SSBP2: variants seen among roughly 807,000 people sequenced by gnomAD.
The protein encoded by SSBP2 is single-stranded DNA-binding protein 2.
A neutral mutation model predicts 61.8 loss-of-function variants in SSBP2; 17 were observed. That is an observed-to-expected ratio of 0.28 (90% CI 0.19 to 0.41). The LOEUF (loss-of-function observed/expected upper bound fraction) is 0.41, where lower values mean the gene tolerates loss of function less well. Ranked by LOEUF, SSBP2 falls within the 10% of genes least tolerant of loss-of-function variation. The pLI, the probability that SSBP2 is intolerant of heterozygous loss-of-function variation, is 1.00. For synonymous variants in SSBP2, 139 were observed against 141.3 expected (o/e 0.98, Z 0.12); for missense variants, 310 against 458.7 (o/e 0.68, Z 2.96).
intron 3 of SSBP2, among the ~76,000 whole-genome samples, chr5:81,635,816 C>T (rs981442940): frequency 6.6e-6 from 1 of 152,076 alleles, no homozygotes; most frequent in African/African-American, 2.4e-5. Flanking sequence ...GATCTCCTGA[C>T]CTTGTGATCC....
At chr5:81,448,385 T>G (rs186319126) in intron 11 of SSBP2, among the ~76,000 whole-genome samples, 202 of 152,330 alleles carry the variant, frequency 1.3e-3, no homozygotes, top group Non-Finnish European at 2.6e-3. Context: ...TTCTGCCATC[T>G]AATTCATTTG....
At position 81,751,025 on chromosome 5, in the gene SSBP2, C is replaced by G; in HGVS notation, c.18G>C (p.Lys6Asn). The G allele has an allele frequency of 6.3e-7, 1 of 1,599,164 alleles. No individual in the cohort carries two copies. Among genetic ancestry groups the G allele is most frequent in the Non-Finnish European group, 8.5e-7 (1 of 1,173,024 alleles). ...CGGACGGGACGGCGCTGCTGTTACTCTTGCCTTTGCCGTACATGCTTGTGC... is the reference window on the plus strand; with the variant it reads ...CGGACGGGACGGCGCTGCTGTTACTGTTGCCTTTGCCGTACATGCTTGTGC... Residue 6 changes from lysine to asparagine, a missense_variant, in exon 1 of 17, where the codon AAG (lysine) becomes AAC (asparagine). This residue lies in a region of SSBP2 where 36 missense variants were observed against 27.0 expected (regional missense o/e 1.33). Transcript: ENST00000320672.
At chr5:81,482,005 A>C (rs1444047332) in intron 6 of SSBP2, among the ~76,000 whole-genome samples, 1 of 151,888 alleles carries the variant, frequency 6.6e-6, no homozygotes, top group African/African-American at 2.4e-5. Flanking sequence ...GCAGTGGTGC[A>C]ATCTTGGCTG....
intron 1 of SSBP2, among the ~76,000 whole-genome samples, chr5:81,658,018 T>C (rs1229593605): frequency 6.6e-6 from 1 of 152,152 alleles, no homozygotes; most frequent in Admixed American, 6.6e-5. Context: ...CTAATTAACA[T>C]ATCCATTGCC....
intron 1 of SSBP2, among the ~76,000 whole-genome samples, chr5:81,697,194 C>A (rs1268357322): frequency 2.0e-5 from 3 of 152,218 alleles, no homozygotes; most frequent in Non-Finnish European, 4.4e-5. Flanking sequence ...AATGTTACAT[C>A]ATCTTTCACT....
At chr5:81,435,953 C>T (rs567202758) in intron 15 of SSBP2, among the ~76,000 whole-genome samples, 12 of 151,906 alleles carry the variant, frequency 7.9e-5, no homozygotes, top group Non-Finnish European at 1.2e-4. Context: ...TCTGGGAGGC[C>T]GAGACGGGTA....
chr5:81,613,314 G>T (rs1745639866), intron 4 of SSBP2, among the ~76,000 whole-genome samples: 1 of 151,982 alleles, frequency 6.6e-6, no homozygotes, highest in Non-Finnish European at 1.5e-5. Flanking sequence ...CACAGTAAGG[G>T]GTTGTTCCTC....
At chr5:81,613,702 T>C (rs2153598445) in intron 4 of SSBP2, among the ~76,000 whole-genome samples, 1 of 152,308 alleles carries the variant, frequency 6.6e-6, no homozygotes, top group South Asian at 2.1e-4. Flanking sequence ...TTGTCAAAAT[T>C]AGTGGAGACA....
chr5:81,721,313 A>T (rs1755527947), intron 1 of SSBP2, among the ~76,000 whole-genome samples: 1 of 152,048 alleles, frequency 6.6e-6, no homozygotes, highest in African/African-American at 2.4e-5. Context: ...TATCTTTCCT[A>T]ACTTCTATAC....
chr5:81,614,234 C>A (rs1745764039), intron 4 of SSBP2, among the ~76,000 whole-genome samples: 1 of 152,048 alleles, frequency 6.6e-6, no homozygotes, highest in South Asian at 2.1e-4. Context: ...TTGGCGGGCG[C>A]CTGTAATCCC....
chr5:81,449,271 A>G lies in SSBP2; in HGVS notation c.688-446T>C, dbSNP rs191619796. Among the ~76,000 whole-genome samples, 285 of 152,332 alleles carry G rather than the reference A, an allele frequency of 1.9e-3. 2 individuals carry two copies. The highest frequency in any genetic ancestry group is 6.6e-3 in the African/African-American group (274 of 41,582). ...TAATTTGTGAGGATCAGATATGGGTAACAAACTCCCTTTTTCTCTTCAAAT... is the reference window on the plus strand; with the variant it reads ...TAATTTGTGAGGATCAGATATGGGTGACAAACTCCCTTTTTCTCTTCAAAT... On this transcript the variant is annotated intron_variant, in intron 10 of 16. Coordinates refer to ENST00000320672, the MANE Select transcript of SSBP2 (RefSeq NM_012446.5).
At chr5:81,709,793 G>A (rs992156245) in intron 1 of SSBP2, among the ~76,000 whole-genome samples, 15 of 151,744 alleles carry the variant, frequency 9.9e-5, no homozygotes, top group East Asian at 3.9e-4. Flanking sequence ...AAAGTCCAAC[G>A]AAAATAAATA....
At chr5:81,544,195 G>A (rs1347202893) in intron 4 of SSBP2, among the ~76,000 whole-genome samples, 2 of 151,934 alleles carry the variant, frequency 1.3e-5, no homozygotes, top group African/African-American at 2.4e-5. Flanking sequence ...GACTACAGGC[G>A]ATGCCACCAC....
At chr5:81,673,136 C>T (rs1202601096) in intron 1 of SSBP2, among the ~76,000 whole-genome samples, 4 of 152,166 alleles carry the variant, frequency 2.6e-5, no homozygotes, top group African/African-American at 9.7e-5. Context: ...CCACCACACT[C>T]GGTCCAGATA....
chr5:81,586,164 A>C (rs1481600733), intron 4 of SSBP2, among the ~76,000 whole-genome samples: 1 of 152,196 alleles, frequency 6.6e-6, no homozygotes, highest in Non-Finnish European at 1.5e-5. Flanking sequence ...TATACCTAGA[A>C]TTAGAATTTC....
chr5:81,583,546 C>T (rs1221764920), intron 4 of SSBP2, among the ~76,000 whole-genome samples: 3 of 150,162 alleles, frequency 2.0e-5, no homozygotes, highest in Admixed American at 6.7e-5. Flanking sequence ...AGGAGAATGG[C>T]ATGAACCCGG....
chr5:81,420,642 G>A, intron 16 of SSBP2, 109 bp from the exon 17 acceptor site: 1 of 896,508 alleles, frequency 1.1e-6, no homozygotes, highest in Non-Finnish European at 1.8e-6. Flanking sequence ...CATCTTTTAT[G>A]TGCAAGCTTT....
intron 4 of SSBP2, among the ~76,000 whole-genome samples, chr5:81,544,197 T>TCCC (rs1771539655): frequency 1.3e-5 from 2 of 152,052 alleles, no homozygotes; most frequent in Non-Finnish European, 2.9e-5. Context: ...CTACAGGCGA[T>TCCC]GCCACCACGC....
At chr5:81,658,257 C>T (rs942253421) in intron 1 of SSBP2, among the ~76,000 whole-genome samples, 2 of 152,158 alleles carry the variant, frequency 1.3e-5, no homozygotes, top group South Asian at 2.1e-4. Flanking sequence ...TTCTATGCTG[C>T]TTCTATGGCT....
Sources: allele counts gnomAD v4.1 joint callset (sites outside exome capture counted in the v4.1 genomes callset), GRCh38; gene constraint gnomAD v4.1.1; regional missense constraint gnomAD v4.1.1; transcripts MANE v1.5; gene names NCBI Gene and HGNC (gene_info 2026-07-23, HGNC 2026-07-21).